The following AQR variants were observed in gnomAD, a reference collection of about 807,000 sequenced individuals.
The protein encoded by AQR is aquarius intron-binding spliceosomal factor.
Under a neutral mutation model 180.5 loss-of-function variants are expected in AQR, and 61 were observed. That is an observed-to-expected ratio of 0.34 (90% CI 0.28 to 0.42). The LOEUF (loss-of-function observed/expected upper bound fraction) is 0.42. Ranked by LOEUF, AQR falls within the 10% of genes least tolerant of loss-of-function variation. The pLI is 1.00. For missense variants in AQR, 1,281 were observed against 1,798.3 expected (o/e 0.71, Z 5.20); for synonymous variants, 551 against 588.8 (o/e 0.94, Z 0.93).
intron 19 of AQR, among the ~76,000 whole-genome samples, chr15:34,903,300 G>C (rs1387794398): frequency 1.3e-5 from 2 of 152,112 alleles, no homozygotes; most frequent in African/African-American, 4.8e-5. Context: ...GATTATGGTA[G>C]GAACTTTCTA....
chr15:34,958,801 C>T (rs991873608), intron 3 of AQR, among the ~76,000 whole-genome samples: 1 of 152,076 alleles, frequency 6.6e-6, no homozygotes, highest in Admixed American at 6.6e-5. Context: ...TTAGTTTTCT[C>T]AAGAAATTTC....
chr15:34,926,179 TAAATAAAA>T lies in AQR; in HGVS notation c.1118+848_1118+855del, dbSNP rs892924013. ...TCAAAAAAATAAAATAAAATAAAAA[TAAATAAAA>T]AAATAAAAAAATAGTATGCTGGTCC... is the stretch of plus-strand genomic sequence containing the variant. On this transcript the variant is annotated intron_variant, in intron 13 of 34. Transcript: ENST00000156471. Among the ~76,000 whole-genome samples, 25 of 151,926 alleles carry T rather than the reference TAAATAAAA, an allele frequency of 1.6e-4. No individual in the cohort carries two copies. The East Asian group carries it at 3.3e-3, about 20-fold the overall frequency.
At chr15:34,862,755 C>G in intron 33 of AQR, 112 bp downstream of exon 33, 1 of 1,181,286 alleles carries the variant, frequency 8.5e-7, no homozygotes, top group Non-Finnish European at 1.2e-6. Context: ...CACTCTAAAA[C>G]AGGGACTAAA....
intron 3 of AQR, among the ~76,000 whole-genome samples, chr15:34,958,970 TAGATATATAGATATAGATATAG>T (rs1894371808): frequency 7.2e-6 from 1 of 138,742 alleles, no homozygotes; most frequent in Non-Finnish European, 1.5e-5. Context: ...ACATTACATA[TAGATATATAGATATAGATATAG>T]ATATAGATAT....
chr15:34,895,510 A>T (rs1473114723), intron 22 of AQR, among the ~76,000 whole-genome samples: 1 of 151,920 alleles, frequency 6.6e-6, no homozygotes, highest in Non-Finnish European at 1.5e-5. Context: ...ACAGAAAAAG[A>T]AATATCGTGC....
rs375053032 is a variant in AQR, at chr15:34,860,093, A to G, written c.4092T>C (p.Phe1364=). 1.6e-4 allele frequency: 241 copies of G among 1,526,534 alleles called. No individual in the cohort carries two copies. Among genetic ancestry groups the G allele is most frequent in the Admixed American group, 2.1e-4 (12 of 56,392 alleles). 94.6% of individuals were successfully genotyped at this position (1,526,534 alleles called of 1,614,324 possible). ...IIKNMPQMAN[F]VYNMYMHLIQ... Reference sequence around the variant, plus strand: ...TCAAATGCATGTACATGTTGTATACAAAGTTTGCCATCTGGGGCATATTTT... The same window carrying G: ...TCAAATGCATGTACATGTTGTATACGAAGTTTGCCATCTGGGGCATATTTT... Residue 1364 remains phenylalanine, a synonymous_variant, in exon 34 of 35, where the codon TTT becomes TTC. Coordinates refer to ENST00000156471, the MANE Select transcript of AQR (RefSeq NM_014691.3).
Position 34,857,021 on chromosome 15 carries a change from G to C in AQR, c.4229C>G (p.Ala1410Gly). 6.2e-7 allele frequency: 1 copy of C among 1,613,844 alleles called. No homozygotes were observed. The highest frequency in any genetic ancestry group is 8.5e-7 in the Non-Finnish European group (1 of 1,179,936). Residue 1410 changes from alanine (A) to glycine (G), a missense_variant, in exon 35 of 35, where the codon GCC (alanine) becomes GGC (glycine). By Grantham distance (60) the Ala-to-Gly change is moderately conservative. Around this residue, in one of 9 missense-constraint regions of AQR, gnomAD observed 182 missense variants for 185.3 expected, o/e 0.98. Coordinates refer to ENST00000156471, the MANE Select transcript of AQR (RefSeq NM_014691.3). ...TATGATGTCAGCTTGAACAGTCATG[G>C]CCTCTTCTTCTGTTTCCAATTCTGT... The part of the protein sequence containing the change: ...QETELETEEE[A>G]MTVQADIIPS...
rs1226457834 is a variant in AQR at position 34,862,927 on chromosome 15, G to T, written c.3969C>A (p.Leu1323=). 2.5e-6 allele frequency: 4 copies of T among 1,613,922 alleles called. No individual in the cohort carries two copies. The Admixed American group carries it at 6.7e-5, about 27-fold the overall frequency. ...CFELTPAFSQ[L]TARPLHLHII... ...TATGCAAATGAAGGGGGCGAGCTGTGAGCTGACTGAAAGCTGGAGTCAGTT... is the reference window on the plus strand; with the variant it reads ...TATGCAAATGAAGGGGGCGAGCTGTTAGCTGACTGAAAGCTGGAGTCAGTT... Residue 1323 remains leucine (L), a synonymous_variant, in exon 33 of 35, where the codon CTC becomes CTA. Transcript: ENST00000156471.
At chr15:34,917,232 T>C (rs539741532) in intron 15 of AQR, among the ~76,000 whole-genome samples, 12 of 152,344 alleles carry the variant, frequency 7.9e-5, no homozygotes, top group Middle Eastern at 3.4e-3. Context: ...ATCGGAGTTA[T>C]GGCTCTAGGA....
rs151031866 is a variant in AQR, at chr15:34,919,717, C to T, written c.1221+615G>A. 2.3e-4 allele frequency among the ~76,000 whole-genome samples: 35 copies of T among 151,954 alleles called. 1 individual carries two copies. The East Asian group carries it at 6.4e-3, about 28-fold the overall frequency. ...TTCAAGACCAGCCTGGCCAACGTGG[C>T]GAAACTCTATCTTCTACTCAAAATA... On this transcript the variant is annotated intron_variant, in intron 14 of 34. Coordinates refer to ENST00000156471, the MANE Select transcript of AQR (RefSeq NM_014691.3).
Position 34,900,846 on chromosome 15 carries a change from A to G in AQR, c.2019T>C (p.Ile673=), listed in dbSNP as rs749607327. 21 of 1,607,640 alleles carry G rather than the reference A, an allele frequency of 1.3e-5. No homozygotes were observed. Among genetic ancestry groups the G allele is most frequent in the Non-Finnish European group, 1.8e-5 (21 of 1,175,464 alleles). The change falls in exon 20 of 35, where the codon ATT becomes ATC. Residue 673 remains isoleucine, a synonymous_variant. Coordinates refer to ENST00000156471, the MANE Select transcript of AQR (RefSeq NM_014691.3). Reference sequence around the variant, plus strand: ...CACAATCAGTATTCATCAGGTTCCGAATAGTCTCCAGCACAGCCTGTCAGT... The same window carrying G: ...CACAATCAGTATTCATCAGGTTCCGGATAGTCTCCAGCACAGCCTGTCAGT... ...ENNFKAVLET[I]RNLMNTDCVV...
intron 3 of AQR, among the ~76,000 whole-genome samples, chr15:34,956,801 A>G (rs965039021): frequency 9.9e-5 from 15 of 151,962 alleles, no homozygotes; most frequent in Non-Finnish European, 1.3e-4. Context: ...TATCCACTTC[A>G]GTTTCCTCAT....
intron 4 of AQR, 136 bp downstream of exon 4, chr15:34,952,749 C>T (rs531391509): frequency 2.7e-5 from 18 of 658,316 alleles, no homozygotes; most frequent in Middle Eastern, 7.5e-4. Flanking sequence ...ATACATATTC[C>T]AAAATAAGCC....
chr15:34,871,999 C>A (rs8040551), intron 30 of AQR, among the ~76,000 whole-genome samples: 111,088 of 151,356 alleles, frequency 0.73, 42,125 homozygotes, highest in Middle Eastern at 0.85. Flanking sequence ...CAAAGGCAAC[C>A]GAAAGATTAC....
At chr15:34,956,432 C>A (rs1348485772) in intron 3 of AQR, among the ~76,000 whole-genome samples, 1 of 152,074 alleles carries the variant, frequency 6.6e-6, no homozygotes, top group Non-Finnish European at 1.5e-5. Flanking sequence ...GGGCGGATCA[C>A]CTGAGGTCAG....
chr15:34,885,777 C>A (rs906931111), intron 25 of AQR, among the ~76,000 whole-genome samples: 1 of 152,120 alleles, frequency 6.6e-6, no homozygotes, highest in African/African-American at 2.4e-5. Context: ...ATGAAAGCTG[C>A]TCATTTTGAA....
chr15:34,897,500 T>C, intron 21 of AQR, 59 bp downstream of exon 21: 1 of 1,580,686 alleles, frequency 6.3e-7, no homozygotes, highest in Non-Finnish European at 8.7e-7. Context: ...ACATTCCTAA[T>C]CCAGTTGAAA....
intron 15 of AQR, among the ~76,000 whole-genome samples, chr15:34,916,368 T>A (rs537542166): frequency 6.6e-6 from 1 of 152,042 alleles, no homozygotes; most frequent in South Asian, 2.1e-4. Context: ...AGCTGCAATA[T>A]CAAAAAGGTT....
chr15:34,906,638 T>A lies in AQR; in HGVS notation c.1738A>T (p.Arg580Trp), dbSNP rs1340761052. Residue 580 changes from arginine (R) to tryptophan (W), a missense_variant, in exon 18 of 35, where the codon AGG (arginine) becomes TGG (tryptophan). Coordinates refer to ENST00000156471, the MANE Select transcript of AQR (RefSeq NM_014691.3). Reference sequence around the variant, plus strand: ...CCAACCTGCTCAATAAAAGGTCTCCTCCGGTCAAACTTAGTGCCATAAGGT... The same window carrying A: ...CCAACCTGCTCAATAAAAGGTCTCCACCGGTCAAACTTAGTGCCATAAGGT... Reference protein sequence around the residue: ...TKPYGTKFDRRRPFIEQVGLV... With the variant: ...TKPYGTKFDRWRPFIEQVGLV... 4 of 1,614,018 alleles carry A rather than the reference T, an allele frequency of 2.5e-6. No individual in the cohort carries two copies. The highest frequency in any genetic ancestry group is 1.3e-5 in the African/African-American group (1 of 74,920).
Sources: allele counts gnomAD v4.1 joint callset (sites outside exome capture counted in the v4.1 genomes callset), GRCh38; gene constraint gnomAD v4.1.1; regional missense constraint gnomAD v4.1.1; transcripts MANE v1.5; gene names NCBI Gene and HGNC (gene_info 2026-07-23, HGNC 2026-07-21).